Variants in LUC7L observed in about 807,000 individuals in gnomAD.
The protein encoded by LUC7L is putative RNA-binding protein Luc7-like 1.
LUC7L carries 29 observed loss-of-function variants against 51.1 expected under a neutral mutation model. The observed-to-expected ratio is 0.57, with a 90% CI of 0.42 to 0.77. LUC7L has a LOEUF of 0.77. Ranked by LOEUF, LUC7L falls within the 30% of genes least tolerant of loss-of-function variation. The pLI, the probability that LUC7L is intolerant of heterozygous loss-of-function variation, is 0.00. For synonymous variants in LUC7L, 181 were observed against 180.7 expected (o/e 1.00, Z -0.01); for missense variants, 403 against 511.9 (o/e 0.79, Z 2.05).
rs1282967199 is a variant in LUC7L at position 204,874 on chromosome 16, T to G, written c.510+1130A>C. Among the ~76,000 whole-genome samples the G allele has an allele frequency of 2.0e-5, 3 of 152,176 alleles. No individual in the cohort carries two copies. In the East Asian group the frequency reaches 5.8e-4, roughly 29 times the overall value. ...TGGCATTACTCAAAGTTTATGGTAT[T>G]GCACTAAACACGATGAAAAACGCCT... On this transcript the variant is annotated intron_variant, in intron 5 of 9. Coordinates refer to ENST00000293872, the MANE Select transcript of LUC7L (RefSeq NM_201412.3).
intron 9 of LUC7L, chr16:189,599 T>G (rs1485052615): frequency 1.5e-6 from 2 of 1,351,978 alleles, no homozygotes; most frequent in African/African-American, 2.9e-5. Context: ...CAACACTATA[T>G]GCACAGAACA....
At chr16:194,255 C>A (rs988979273) in intron 6 of LUC7L, among the ~76,000 whole-genome samples, 2 of 152,190 alleles carry the variant, frequency 1.3e-5, no homozygotes, top group Non-Finnish European at 2.9e-5. Context: ...TAGGCGTGTG[C>A]CACCATGGCA....
intron 2 of LUC7L, among the ~76,000 whole-genome samples, chr16:224,034 C>G (rs569862905): frequency 7.5e-4 from 114 of 152,086 alleles, no homozygotes; most frequent in African/African-American, 2.7e-3. Flanking sequence ...TTTCCACAAA[C>G]TAAGCATTGT....
rs1316248221 is a variant in LUC7L at position 193,887 on chromosome 16, T to G, written c.688-872A>C. Among the ~76,000 whole-genome samples, 6 of 149,786 alleles carry G rather than the reference T, an allele frequency of 4.0e-5. No individual in the cohort carries two copies. The Admixed American group carries it at 4.0e-4, about 10-fold the overall frequency. On this transcript the variant is annotated intron_variant, in intron 6 of 9. Transcript: ENST00000293872. Reference sequence around the variant, plus strand: ...GGCGCAATCTCGGCTCGCCGCAAGCTCCGCCTCCCGGGTTCACGCCATTCT... The same window carrying G: ...GGCGCAATCTCGGCTCGCCGCAAGCGCCGCCTCCCGGGTTCACGCCATTCT...
intron 3 of LUC7L, among the ~76,000 whole-genome samples, chr16:216,388 T>G (rs893863437): frequency 1.1e-4 from 16 of 148,700 alleles, no homozygotes; most frequent in Non-Finnish European, 1.9e-4. Flanking sequence ...TTGTTTTTTT[T>G]TTTTTTTTTT....
Sources: allele counts gnomAD v4.1 joint callset (sites outside exome capture counted in the v4.1 genomes callset), GRCh38; gene constraint gnomAD v4.1.1; transcripts MANE v1.5; gene names NCBI Gene and HGNC (gene_info 2026-07-23, HGNC 2026-07-21).